CCDC192: variants seen among roughly 807,000 people sequenced by gnomAD.
CCDC192 encodes the protein coiled-coil domain containing 192, also known as coiled-coil domain-containing protein 192.
intron 2 of CCDC192, among the ~76,000 whole-genome samples, chr5:127,719,472 CATACATATAT>C (rs1749168307): frequency 6.0e-5 from 5 of 84,022 alleles, no homozygotes; most frequent in Non-Finnish European, 7.4e-5. Context: ...TATACAGACA[CATACATATAT>C]ATATATATAT....
chr5:127,855,847 G>A (rs139289614), intron 5 of CCDC192, among the ~76,000 whole-genome samples: 215 of 152,268 alleles, frequency 1.4e-3, no homozygotes, highest in African/African-American at 4.7e-3. Flanking sequence ...TGAGCAGTGG[G>A]TCTCAACAGT....
chr5:127,914,970 A>G (rs531478385), intron 6 of CCDC192, among the ~76,000 whole-genome samples: 1 of 152,308 alleles, frequency 6.6e-6, no homozygotes, highest in South Asian at 2.1e-4. Flanking sequence ...CACAAGGAAA[A>G]TAGGACTTAT....
chr5:127,869,949 G>T lies in CCDC192; in HGVS notation c.412-5589G>T, dbSNP rs146719913. Among the ~76,000 whole-genome samples, 128 of 152,330 alleles carry T rather than the reference G, an allele frequency of 8.4e-4. 1 individual carries two copies. Among genetic ancestry groups the T allele is most frequent in the Non-Finnish European group, 1.2e-3 (85 of 68,028 alleles). On this transcript the variant is annotated intron_variant, in intron 5 of 6. Coordinates refer to ENST00000514853, the MANE Select transcript of CCDC192 (RefSeq NM_001317938.2). ...AAGATCTGACTCTCTTGGCTATCAA[G>T]CACCTACCAGTGGTCATGTGGGGTC...
intron 3 of CCDC192, among the ~76,000 whole-genome samples, chr5:127,791,994 G>A (rs954903115): frequency 2.6e-5 from 4 of 152,142 alleles, no homozygotes; most frequent in East Asian, 1.9e-4. Flanking sequence ...GGGAATATAC[G>A]TAAGGAGACA....
intron 5 of CCDC192, among the ~76,000 whole-genome samples, chr5:127,826,245 C>G (rs948524470): frequency 6.6e-6 from 1 of 151,994 alleles, no homozygotes; most frequent in Non-Finnish European, 1.5e-5. Context: ...CCATCTCACA[C>G]GAGTCAGGAT....
At chr5:127,776,652 A>C (rs906672694) in intron 3 of CCDC192, among the ~76,000 whole-genome samples, 1 of 152,322 alleles carries the variant, frequency 6.6e-6, no homozygotes, top group East Asian at 1.9e-4. Flanking sequence ...CATCACACGC[A>C]TGGAGGCCTG....
At chr5:127,862,364 G>A (rs1751405361) in intron 5 of CCDC192, among the ~76,000 whole-genome samples, 1 of 152,118 alleles carries the variant, frequency 6.6e-6, no homozygotes, top group South Asian at 2.1e-4. Context: ...TGGCCTCAGT[G>A]CCCTCATGGA....
At chr5:127,870,575 T>C (rs956053087) in intron 5 of CCDC192, among the ~76,000 whole-genome samples, 1 of 152,186 alleles carries the variant, frequency 6.6e-6, no homozygotes, top group Admixed American at 6.5e-5. Flanking sequence ...CTCAACTTTC[T>C]TGTCTACATA....
chr5:127,741,244 G>T (rs1369954213), intron 2 of CCDC192, among the ~76,000 whole-genome samples: 1 of 151,798 alleles, frequency 6.6e-6, no homozygotes, highest in South Asian at 2.1e-4. Flanking sequence ...TTATTTTTTT[G>T]CAGAGACGAG....
At chr5:127,845,727 A>G (rs757983114) in intron 5 of CCDC192, among the ~76,000 whole-genome samples, 1 of 152,192 alleles carries the variant, frequency 6.6e-6, no homozygotes, top group Non-Finnish European at 1.5e-5. Flanking sequence ...ACAGAATGCA[A>G]TTTTAAAAAA....
At position 127,941,325 on chromosome 5, in the gene CCDC192, A is replaced by G. The variant is rs1032199262; in HGVS notation, c.679A>G (p.Lys227Glu). ...TCAGCTGAAAGAAGTTTTGGAGGAA[A>G]AGGAAAGGAAGATTCAGCAGCTGGA... ...ITQLKEVLEE[K>E]ERKIQQLEAE... The change falls in exon 7 of 7, where the codon AAG becomes GAG. Residue 227 changes from lysine (K) to glutamate (E), a missense_variant. Transcript: ENST00000514853. 3.3e-5 allele frequency: 13 copies of G among 398,972 alleles called. No individual in the cohort carries two copies. Among genetic ancestry groups the G allele is most frequent in the Middle Eastern group, 6.2e-4 (1 of 1,610 alleles). The allele number at this position is 398,972 out of a possible 1,614,324, so 24.7% of individuals were successfully genotyped here.
At chr5:127,917,614 G>A (rs1300516892) in intron 6 of CCDC192, among the ~76,000 whole-genome samples, 1 of 152,140 alleles carries the variant, frequency 6.6e-6, no homozygotes, top group Non-Finnish European at 1.5e-5. Context: ...GGAGAAAGAT[G>A]GGGAAATCGT....
At chr5:127,931,737 T>C (rs988899319) in intron 6 of CCDC192, among the ~76,000 whole-genome samples, 28 of 152,176 alleles carry the variant, frequency 1.8e-4, no homozygotes, top group African/African-American at 6.8e-4. Context: ...GGATTCTCCA[T>C]ATTAACAGAG....
intron 6 of CCDC192, among the ~76,000 whole-genome samples, chr5:127,921,277 G>A (rs2127190441): frequency 6.6e-6 from 1 of 151,876 alleles, no homozygotes; most frequent in East Asian, 1.9e-4. Flanking sequence ...AGAAAAGGAA[G>A]GAAAGGAAAA....
At chr5:127,723,087 AC>A (rs1752118140) in intron 2 of CCDC192, among the ~76,000 whole-genome samples, 1 of 152,124 alleles carries the variant, frequency 6.6e-6, no homozygotes, top group Non-Finnish European at 1.5e-5. Flanking sequence ...CAGACCATGA[AC>A]ATGGAATGTT....
chr5:127,911,882 T>G (rs1040973060), intron 6 of CCDC192, among the ~76,000 whole-genome samples: 1 of 151,970 alleles, frequency 6.6e-6, no homozygotes, highest in Non-Finnish European at 1.5e-5. Context: ...TAATTGTTTT[T>G]GGGCTTTTTT....
At chr5:127,794,038 C>T (rs1757026049) in intron 3 of CCDC192, among the ~76,000 whole-genome samples, 1 of 152,160 alleles carries the variant, frequency 6.6e-6, no homozygotes, top group Non-Finnish European at 1.5e-5. Flanking sequence ...TTCCTGATGT[C>T]TGTGGGATAG....
At chr5:127,864,633 G>A (rs1229471183) in intron 5 of CCDC192, among the ~76,000 whole-genome samples, 1 of 152,204 alleles carries the variant, frequency 6.6e-6, no homozygotes, top group Admixed American at 6.5e-5. Context: ...GTTTAGGCTT[G>A]TTAAAATATG....
chr5:127,748,246 AC>A (rs1753905085), intron 2 of CCDC192, among the ~76,000 whole-genome samples: 1 of 79,374 alleles, frequency 1.3e-5, no homozygotes, highest in Admixed American at 1.5e-4. Flanking sequence ...TTTAGGTCTA[AC>A]GTTTAAGTCT....
Sources: gnomAD v4.1 joint callset for allele counts (sites outside exome capture counted in the v4.1 genomes callset) on GRCh38, gnomAD v4.1.1 for gene constraint, MANE v1.5 for transcripts, NCBI Gene and HGNC (gene_info 2026-07-23, HGNC 2026-07-21) for gene names.